RPTOR: variants seen among roughly 807,000 people sequenced by gnomAD.
The protein encoded by RPTOR is regulatory associated protein of MTOR complex 1.
Under a neutral mutation model 169.9 loss-of-function variants are expected in RPTOR, and 21 were observed. The ratio of observed to expected loss-of-function variants is 0.12; its 90% CI spans 0.09 to 0.18. RPTOR has a LOEUF of 0.18. Ranked by LOEUF, RPTOR falls within the 10% of genes least tolerant of loss-of-function variation. RPTOR has a pLI of 1.00. For synonymous variants in RPTOR, 732 were observed against 753.2 expected (o/e 0.97, Z 0.46); for missense variants, 1,133 against 1,855.9 (o/e 0.61, Z 7.16).
intron 3 of RPTOR, among the ~76,000 whole-genome samples, chr17:80,656,703 C>T (rs901980214): frequency 6.6e-6 from 1 of 152,216 alleles, no homozygotes; most frequent in Non-Finnish European, 1.5e-5. Context: ...TCTGTAGGTT[C>T]TTTCACTTCT....
In RPTOR at chr17:80,965,332, C is replaced by CA; in HGVS notation, c.*1002_*1003insA. 4.3e-6 allele frequency: 1 copy of CA among 233,332 alleles called. No individual in the cohort carries two copies. The highest frequency in any genetic ancestry group is 8.5e-6 in the Non-Finnish European group (1 of 118,062). 14.5% of individuals were successfully genotyped at this position (233,332 alleles called of 1,614,324 possible). A position where few individuals can be genotyped will look rare whatever the true frequency, so the allele number is the denominator to read the frequency against. On this transcript the variant is annotated 3_prime_UTR_variant, in exon 34 of 34. Transcript: ENST00000306801. The stretch of plus-strand genomic sequence containing the variant: ...GTTCCTCACATACAGGCAAGAGGCA[C>CA]TGCCGGGTCCCGGACGGCTCCGGGT...
chr17:80,642,403 T>TGAGCCACCACACCTGGCC (rs2065561234), intron 2 of RPTOR, among the ~76,000 whole-genome samples: 1 of 151,634 alleles, frequency 6.6e-6, no homozygotes, highest in Non-Finnish European at 1.5e-5. Context: ...ATTACGGTGG[T>TGAGCCACCACACCTGGCC]GAGCCACCAC....
intron 1 of RPTOR, among the ~76,000 whole-genome samples, chr17:80,611,925 T>C (rs528606112): frequency 6.6e-5 from 10 of 152,320 alleles, no homozygotes; most frequent in African/African-American, 2.4e-4. Context: ...TGTTTCCTCA[T>C]GGCATCATTT....
chr17:80,917,978 T>G (rs1438886183), intron 21 of RPTOR, among the ~76,000 whole-genome samples: 1 of 152,194 alleles, frequency 6.6e-6, no homozygotes, highest in Non-Finnish European at 1.5e-5. Context: ...TCACCTCACC[T>G]GTCTTAGTTC....
At chr17:80,561,027 A>G (rs555984695) in intron 1 of RPTOR, among the ~76,000 whole-genome samples, 2 of 152,262 alleles carry the variant, frequency 1.3e-5, no homozygotes, top group East Asian at 3.9e-4. Context: ...AGCACAAGTA[A>G]GAAAGCTTTT....
At chr17:80,763,702 C>T (rs548239423) in intron 6 of RPTOR, among the ~76,000 whole-genome samples, 26 of 152,264 alleles carry the variant, frequency 1.7e-4, no homozygotes, top group African/African-American at 3.6e-4. Context: ...ATCATGCGCC[C>T]GACTACAAAG....
At position 80,721,503 on chromosome 17, in the gene RPTOR, C is replaced by A. The variant is rs571737886; in HGVS notation, c.508-9057C>A. Among the ~76,000 whole-genome samples the A allele has an allele frequency of 5.3e-5, 8 of 151,470 alleles. No individual in the cohort carries two copies. The South Asian group carries it at 1.7e-3, about 31-fold the overall frequency. ...CATCTGGCCCTGGAAAGAGGCACAC[C>A]CAGCAGCGGGCTCTCCTGGCTCACC... On this transcript the variant is annotated intron_variant, in intron 4 of 33. Coordinates refer to ENST00000306801, the MANE Select transcript of RPTOR (RefSeq NM_020761.3). The surrounding 1 kb of genome is among the most constrained non-coding windows in gnomAD (Gnocchi z 4.7).
In RPTOR at chr17:80,957,003, GTCAGGGGAAGAC is replaced by G. The variant is rs1381004025; in HGVS notation, c.3371-616_3371-605del. ...CTAGCGATGCCTGGGGCATAGTCGAGTCAGGGGAAGACTCAGAGTTCCAGCTCAGAATTGTCG... is the reference window on the plus strand; with the variant it reads ...CTAGCGATGCCTGGGGCATAGTCGAGTCAGAGTTCCAGCTCAGAATTGTCG... On this transcript the variant is annotated intron_variant, in intron 28 of 33. Transcript: ENST00000306801. This position sits in a 1 kb window ranked among gnomAD's most constrained non-coding sequence, Gnocchi z 4.6. Among the ~76,000 whole-genome samples, 1 of 152,278 alleles carries G rather than the reference GTCAGGGGAAGAC, an allele frequency of 6.6e-6. No homozygotes were observed. The highest frequency in any genetic ancestry group is 6.5e-5 in the Admixed American group (1 of 15,290).
At chr17:80,570,590 A>G (rs1438980240) in intron 1 of RPTOR, among the ~76,000 whole-genome samples, 1 of 152,112 alleles carries the variant, frequency 6.6e-6, no homozygotes, top group African/African-American at 2.4e-5. Context: ...CCTCCGGAAC[A>G]TCTGGGACTA....
intron 9 of RPTOR, among the ~76,000 whole-genome samples, chr17:80,832,346 G>A (rs757143016): frequency 2.6e-5 from 4 of 152,196 alleles, no homozygotes; most frequent in South Asian, 2.1e-4. Context: ...CAACATTCCC[G>A]CAGGTGGGAA....
Position 80,669,927 on chromosome 17 carries a change from G to A in RPTOR, c.348+26117G>A, listed in dbSNP as rs1485328. Among the ~76,000 whole-genome samples, 360 of 152,254 alleles carry A rather than the reference G, an allele frequency of 2.4e-3. 2 individuals are homozygous for A. Among genetic ancestry groups the A allele is most frequent in the African/African-American group, 8.3e-3 (344 of 41,518 alleles). On this transcript the variant is annotated intron_variant, in intron 3 of 33. Coordinates refer to ENST00000306801, the MANE Select transcript of RPTOR (RefSeq NM_020761.3). ...GAATGCCTCTTTAGGCCTGGCCTCTGTCTTTGCTCAAATTGTGTATTTGAG... is the reference window on the plus strand; with the variant it reads ...GAATGCCTCTTTAGGCCTGGCCTCTATCTTTGCTCAAATTGTGTATTTGAG...
chr17:80,961,814 G>T lies in RPTOR; in HGVS notation c.3692+334G>T, dbSNP rs535661079. ...CAGGGGCGGCGCGTCTGCCAGGCACGTGGCAGTTGTCTGCACATAAATTCA... is the reference window on the plus strand; with the variant it reads ...CAGGGGCGGCGCGTCTGCCAGGCACTTGGCAGTTGTCTGCACATAAATTCA... On this transcript the variant is annotated intron_variant, in intron 31 of 33. Coordinates refer to ENST00000306801, the MANE Select transcript of RPTOR (RefSeq NM_020761.3). 17 of 309,930 alleles carry T rather than the reference G, an allele frequency of 5.5e-5. No individual in the cohort carries two copies. In the East Asian group the frequency reaches 1.0e-3, roughly 19 times the overall value. 19.2% of individuals were successfully genotyped at this position (309,930 alleles called of 1,614,324 possible).
chr17:80,912,129 TC>T (rs2068620469), intron 21 of RPTOR, among the ~76,000 whole-genome samples: 1 of 152,256 alleles, frequency 6.6e-6, no homozygotes, highest in South Asian at 2.1e-4. Context: ...ATAGCCGTTT[TC>T]ACTAAAATAG....
At chr17:80,766,754 T>C (rs1471568377) in intron 6 of RPTOR, among the ~76,000 whole-genome samples, 1 of 152,152 alleles carries the variant, frequency 6.6e-6, no homozygotes, top group African/African-American at 2.4e-5. Flanking sequence ...CCGGCAATAA[T>C]TGATCTCAAA....
At position 80,964,309 on chromosome 17, in the gene RPTOR, G is replaced by A. The variant is rs769703866; in HGVS notation, c.3987G>A (p.Ser1329=). Residue 1329 remains serine, a synonymous_variant, in exon 34 of 34, where the codon TCG becomes TCA. Transcript: ENST00000306801. ...GSNDYYISVY[S]VEKRVR ...ACGACTACTACATCTCCGTGTACTC[G>A]GTGGAGAAGCGTGTCAGATAGCGGC... The A allele has an allele frequency of 1.6e-5, 25 of 1,608,254 alleles. No individual in the cohort carries two copies. The highest frequency in any genetic ancestry group is 1.1e-4 in the East Asian group (5 of 44,854).
chr17:80,602,921 A>C (rs2065201264), intron 1 of RPTOR: 1 of 439,192 alleles, frequency 2.3e-6, no homozygotes, highest in African/African-American at 2.0e-5. Flanking sequence ...TTTCTGCGGG[A>C]GCCATTCTGC....
chr17:80,615,083 G>A (rs947466499), intron 1 of RPTOR, among the ~76,000 whole-genome samples: 3 of 152,140 alleles, frequency 2.0e-5, no homozygotes, highest in Non-Finnish European at 2.9e-5. Context: ...AAAGCCATTC[G>A]GAGAAAATAT....
chr17:80,794,990 C>T (rs1241000977), intron 7 of RPTOR, among the ~76,000 whole-genome samples: 9 of 152,294 alleles, frequency 5.9e-5, no homozygotes, highest in Middle Eastern at 3.4e-3. Flanking sequence ...TCCACCCACA[C>T]GTTCCAATCC....
rs935618720 is a variant in RPTOR at position 80,959,495 on chromosome 17, C to A, written c.3478-583C>A. ...GAGTGCACAACCCAGCACCGCCCAT[C>A]GTGCGTGGAAAGCGCTCTCCCTCTC... On this transcript the variant is annotated intron_variant, in intron 29 of 33. Coordinates refer to ENST00000306801, the MANE Select transcript of RPTOR (RefSeq NM_020761.3). The surrounding 1 kb of genome is among the most constrained non-coding windows in gnomAD (Gnocchi z 6.7). 6.6e-6 allele frequency among the ~76,000 whole-genome samples: 1 copy of A among 152,306 alleles called. No homozygotes were observed. The highest frequency in any genetic ancestry group is 1.9e-4 in the East Asian group (1 of 5,168).
Sources: allele counts gnomAD v4.1 joint callset (sites outside exome capture counted in the v4.1 genomes callset), GRCh38; gene constraint gnomAD v4.1.1; non-coding constraint Gnocchi (gnomAD v3.1); transcripts MANE v1.5; gene names NCBI Gene and HGNC (gene_info 2026-07-23, HGNC 2026-07-21).